The following CNTN5 variants were observed in gnomAD, a reference collection of about 807,000 sequenced individuals.
CNTN5 encodes contactin-5.
CNTN5 carries 77 observed loss-of-function variants against 129.1 expected under a neutral mutation model. The observed-to-expected ratio is 0.60, with a 90% confidence interval of 0.50 to 0.72. The LOEUF (loss-of-function observed/expected upper bound fraction) is 0.72. Ranked by LOEUF, CNTN5 falls within the 30% of genes least tolerant of loss-of-function variation. CNTN5 has a pLI of 0.00. For missense variants in CNTN5, 1,478 were observed against 1,328.8 expected (o/e 1.11, Z -1.75); for synonymous variants, 509 against 465.6 (o/e 1.09, Z -1.20).
chr11:100,238,455 A>G (rs1437130522), intron 16 of CNTN5, among the ~76,000 whole-genome samples: 1 of 148,498 alleles, frequency 6.7e-6, no homozygotes, highest in Non-Finnish European at 1.5e-5. Flanking sequence ...GAGAAGGCGA[A>G]AGAGAAGAGG....
At chr11:100,068,267 A>G (rs17094290) in intron 10 of CNTN5, among the ~76,000 whole-genome samples, 1,817 of 152,292 alleles carry the variant, frequency 0.012, 50 homozygotes, top group African/African-American at 0.042. Context: ...CAGCAACAGA[A>G]GAGAGGTAAC....
At chr11:99,677,354 T>C (rs374256092) in intron 3 of CNTN5, among the ~76,000 whole-genome samples, 1 of 152,270 alleles carries the variant, frequency 6.6e-6, no homozygotes, top group South Asian at 2.1e-4. Context: ...TCTGAGATAA[T>C]GTTTGTCCTT....
At chr11:99,275,048 AAT>A (rs1253662727) in intron 1 of CNTN5, among the ~76,000 whole-genome samples, 1 of 151,460 alleles carries the variant, frequency 6.6e-6, no homozygotes. Flanking sequence ...CTTGGACATG[AAT>A]ATATATCTAT....
intron 1 of CNTN5, among the ~76,000 whole-genome samples, chr11:99,319,218 A>G (rs1865464262): frequency 1.3e-5 from 2 of 152,216 alleles, no homozygotes; most frequent in South Asian, 2.1e-4. Context: ...GTCTACTGTT[A>G]TCATTGGTAT....
chr11:99,348,301 T>A (rs1450239765), intron 2 of CNTN5, among the ~76,000 whole-genome samples: 2 of 152,136 alleles, frequency 1.3e-5, no homozygotes, highest in East Asian at 3.9e-4. Flanking sequence ...ATTGTGCCAC[T>A]TCACCCCAGC....
At chr11:100,061,865 C>T (rs1018128920) in intron 10 of CNTN5, among the ~76,000 whole-genome samples, 4 of 152,180 alleles carry the variant, frequency 2.6e-5, no homozygotes, top group African/African-American at 9.7e-5. Context: ...TAAATAGAGA[C>T]AGAGACCAGC....
At chr11:99,665,798 G>A (rs935309032) in intron 3 of CNTN5, among the ~76,000 whole-genome samples, 1 of 151,816 alleles carries the variant, frequency 6.6e-6, no homozygotes, top group Non-Finnish European at 1.5e-5. Flanking sequence ...AGAGTACGAT[G>A]TATCTTGTAA....
chr11:99,573,693 G>A (rs1048157700), intron 3 of CNTN5, among the ~76,000 whole-genome samples: 3 of 151,984 alleles, frequency 2.0e-5, no homozygotes, highest in Admixed American at 1.3e-4. Flanking sequence ...GCGGTGGCGT[G>A]ATCTTGGCTC....
intron 6 of CNTN5, among the ~76,000 whole-genome samples, chr11:99,881,330 A>T (rs1948765997): frequency 6.6e-6 from 1 of 152,218 alleles, no homozygotes; most frequent in Non-Finnish European, 1.5e-5. Flanking sequence ...ACAAAATAAA[A>T]TGCCTACTCC....
chr11:99,936,781 T>A (rs1293338933), intron 7 of CNTN5, among the ~76,000 whole-genome samples: 1 of 152,202 alleles, frequency 6.6e-6, no homozygotes, highest in Non-Finnish European at 1.5e-5. Flanking sequence ...CTGGTTGAGA[T>A]GGAAGTCTTT....
intron 18 of CNTN5, among the ~76,000 whole-genome samples, chr11:100,282,701 C>T (rs1311263972): frequency 6.6e-6 from 1 of 152,214 alleles, no homozygotes. Context: ...CTAGGCGGAT[C>T]CAGAGGTGCC....
intron 1 of CNTN5, among the ~76,000 whole-genome samples, chr11:99,107,917 C>T (rs190503300): frequency 8.9e-5 from 11 of 123,780 alleles, no homozygotes; most frequent in East Asian, 2.3e-4. Context: ...GGCAACAGAG[C>T]GAGACTCAGT....
At chr11:99,900,102 T>C (rs1011245782) in intron 6 of CNTN5, among the ~76,000 whole-genome samples, 3 of 151,716 alleles carry the variant, frequency 2.0e-5, no homozygotes, top group Admixed American at 2.0e-4. Flanking sequence ...TCTTCTCTCT[T>C]TTTTTTTCTT....
intron 13 of CNTN5, among the ~76,000 whole-genome samples, chr11:100,091,138 C>G (rs557249679): frequency 3.5e-4 from 53 of 152,164 alleles, no homozygotes; most frequent in African/African-American, 1.3e-3. Context: ...GAAAGTCCAG[C>G]CCCATCATTA....
In CNTN5 at chr11:100,340,601, G is replaced by A; in HGVS notation, c.2869G>A (p.Gly957Arg). The A allele has an allele frequency of 1.9e-6, 3 of 1,613,034 alleles. No homozygotes were observed. Among genetic ancestry groups the A allele is most frequent in the Non-Finnish European group, 2.5e-6 (3 of 1,179,486 alleles). ...HFTVRAYNGA[G>R]YGPPSSEVSA... is the part of the protein sequence containing the mutation. ...CACAGTGAGGGCTTACAATGGAGCT[G>A]GATATGGGCCACCTAGCAGTGAAGT... is the stretch of plus-strand genomic sequence containing the variant. Residue 957 changes from glycine to arginine, a missense_variant, in exon 22 of 25, where the codon GGA becomes AGA. Gly to Arg is a moderately radical substitution (Grantham distance 125, BLOSUM62 -2). Transcript: ENST00000524871.
At chr11:99,842,913 T>C (rs944181394) in intron 4 of CNTN5, among the ~76,000 whole-genome samples, 3 of 152,186 alleles carry the variant, frequency 2.0e-5, no homozygotes, top group Non-Finnish European at 4.4e-5. Flanking sequence ...TATTTTGGTG[T>C]AGTATTTTGC....
intron 3 of CNTN5, among the ~76,000 whole-genome samples, chr11:99,699,097 T>G (rs192543819): frequency 2.6e-5 from 4 of 151,422 alleles, no homozygotes; most frequent in African/African-American, 9.7e-5. Context: ...AACGTTCAAT[T>G]TTCTTCTCAC....
chr11:100,335,765 C>T (rs1442497110), intron 21 of CNTN5, among the ~76,000 whole-genome samples: 1 of 135,306 alleles, frequency 7.4e-6, no homozygotes, highest in East Asian at 3.6e-4. Flanking sequence ...GAGACTCCAT[C>T]TCAAAAAAAA....
chr11:99,369,010 G>A lies in CNTN5; in HGVS notation c.-71+43526G>A, dbSNP rs552698346. ...GTTTTTGTCTAAGATTAGGCCATCT[G>A]TATTTTGGCACCCATGGAAGTTAGA... is the stretch of plus-strand genomic sequence containing the variant. On this transcript the variant is annotated intron_variant, in intron 2 of 24. Transcript: ENST00000524871. Among the ~76,000 whole-genome samples, 9 of 151,736 alleles carry A rather than the reference G, an allele frequency of 5.9e-5. No homozygotes were observed. The South Asian group carries it at 1.9e-3, about 32-fold the overall frequency.
Sources: gnomAD v4.1 joint callset for allele counts (sites outside exome capture counted in the v4.1 genomes callset) on GRCh38, gnomAD v4.1.1 for gene constraint, MANE v1.5 for transcripts, NCBI Gene and HGNC (gene_info 2026-07-23, HGNC 2026-07-21) for gene names.